JPH1: variants seen among roughly 807,000 people sequenced by gnomAD.
JPH1 encodes junctophilin 1.
A neutral mutation model predicts 53.6 loss-of-function variants in JPH1; 12 were observed. The ratio of observed to expected loss-of-function variants is 0.22; its 90% confidence interval spans 0.14 to 0.36. The LOEUF (loss-of-function observed/expected upper bound fraction) is 0.36, where lower values mean the gene tolerates loss of function less well. Ranked by LOEUF, JPH1 falls within the 10% of genes least tolerant of loss-of-function variation. JPH1 has a pLI of 1.00. For synonymous variants in JPH1, 375 were observed against 363.8 expected, an observed-to-expected ratio of 1.03 and a Z score of -0.35; for missense variants, 808 against 905.5, an observed-to-expected ratio of 0.89 and a Z score of 1.38.
chr8:74,311,588 C>CATAT (rs1335553276), intron 2 of JPH1, among the ~76,000 whole-genome samples: 3 of 151,824 alleles, frequency 2.0e-5, no homozygotes, highest in Non-Finnish European at 4.4e-5. Context: ...TAGTTACATA[C>CATAT]ATATACATGT....
At chr8:74,244,057 C>T (rs948398550) in intron 4 of JPH1, among the ~76,000 whole-genome samples, 3 of 152,182 alleles carry the variant, frequency 2.0e-5, no homozygotes, top group Non-Finnish European at 2.9e-5. Flanking sequence ...GAATTCACAA[C>T]GGCTAGAGGA....
chr8:74,316,231 C>A (rs772701450), intron 1 of JPH1, among the ~76,000 whole-genome samples: 1 of 152,006 alleles, frequency 6.6e-6, no homozygotes, highest in Non-Finnish European at 1.5e-5. Context: ...TTTGGGTGAA[C>A]CTTTTTGAGC....
At chr8:74,271,301 G>T (rs1191527269) in intron 2 of JPH1, among the ~76,000 whole-genome samples, 1 of 152,104 alleles carries the variant, frequency 6.6e-6, no homozygotes, top group Non-Finnish European at 1.5e-5. Flanking sequence ...TTAGTTTTGG[G>T]GTCCAGGGCC....
chr8:74,255,363 T>C (rs1362864249), intron 3 of JPH1, among the ~76,000 whole-genome samples: 3 of 151,934 alleles, frequency 2.0e-5, no homozygotes, highest in African/African-American at 4.9e-5. Flanking sequence ...TGAAACTGGA[T>C]CCCTTCCTTA....
At chr8:74,314,441 A>T (rs1199836672) in intron 2 of JPH1, among the ~76,000 whole-genome samples, 1 of 145,832 alleles carries the variant, frequency 6.9e-6, no homozygotes, top group Non-Finnish European at 1.5e-5. Context: ...CATCTATACT[A>T]AGTATGTTTC....
At chr8:74,237,651 G>A (rs1807040262) in intron 4 of JPH1, among the ~76,000 whole-genome samples, 1 of 152,232 alleles carries the variant, frequency 6.6e-6, no homozygotes, top group Non-Finnish European at 1.5e-5. Flanking sequence ...TGCATTTGTT[G>A]TTAGAATGCA....
At chr8:74,273,363 G>A (rs896699815) in intron 2 of JPH1, among the ~76,000 whole-genome samples, 3 of 151,952 alleles carry the variant, frequency 2.0e-5, no homozygotes, top group Admixed American at 6.6e-5. Context: ...TTTTCATTTG[G>A]GGCACATACT....
chr8:74,244,451 A>G, intron 4 of JPH1, 78 bp downstream of exon 4: 1 of 1,446,380 alleles, frequency 6.9e-7, no homozygotes, highest in Non-Finnish European at 9.3e-7. Context: ...TGTGATCAAG[A>G]TGCACAGTCA....
intron 4 of JPH1, among the ~76,000 whole-genome samples, chr8:74,239,085 A>C (rs1407606353): frequency 6.6e-6 from 1 of 152,254 alleles, no homozygotes; most frequent in Admixed American, 6.5e-5. Flanking sequence ...ACTATTAGGC[A>C]GAAGAAAAGC....
intron 2 of JPH1, among the ~76,000 whole-genome samples, chr8:74,264,293 T>C (rs1806473365): frequency 6.6e-6 from 1 of 152,242 alleles, no homozygotes; most frequent in East Asian, 1.9e-4. Flanking sequence ...TACTGAATGT[T>C]AATTTTCTCC....
chr8:74,318,304 A>G (rs1171332091), intron 1 of JPH1, among the ~76,000 whole-genome samples: 2 of 152,166 alleles, frequency 1.3e-5, no homozygotes, highest in Non-Finnish European at 2.9e-5. Flanking sequence ...TTAACTACAC[A>G]ATCTTGTAGT....
intron 2 of JPH1, among the ~76,000 whole-genome samples, chr8:74,264,649 C>T (rs1409272737): frequency 1.3e-5 from 2 of 152,100 alleles, no homozygotes; most frequent in Admixed American, 1.3e-4. Context: ...TATTAATAGC[C>T]ACAGAGTAGG....
At chr8:74,284,247 T>C (rs552474201) in intron 2 of JPH1, among the ~76,000 whole-genome samples, 20 of 152,368 alleles carry the variant, frequency 1.3e-4, no homozygotes, top group Non-Finnish European at 1.6e-4. Flanking sequence ...TTGAGACTTA[T>C]GTGTCATTCT....
intron 2 of JPH1, among the ~76,000 whole-genome samples, chr8:74,312,007 G>C (rs1341133403): frequency 1.3e-5 from 2 of 152,052 alleles, no homozygotes; most frequent in Non-Finnish European, 2.9e-5. Context: ...TAAAATCAGA[G>C]CTATTATAAG....
intron 2 of JPH1, among the ~76,000 whole-genome samples, chr8:74,284,881 G>A (rs59353864): frequency 0.091 from 13,558 of 149,656 alleles, 748 homozygotes; most frequent in East Asian, 0.19. Context: ...CTGGAATGCA[G>A]TGGCGCAATC....
chr8:74,296,019 G>GACACACACACACAC (rs59881666), intron 2 of JPH1, among the ~76,000 whole-genome samples: 5,474 of 136,528 alleles, frequency 0.04, 258 homozygotes, highest in East Asian at 0.1. Context: ...TCTCAGTAAG[G>GACACACACACACAC]ACACACACAC....
chr8:74,253,935 T>C (rs1267049921), intron 3 of JPH1, among the ~76,000 whole-genome samples: 2 of 152,014 alleles, frequency 1.3e-5, no homozygotes, highest in Non-Finnish European at 2.9e-5. Context: ...CAGGACCAGA[T>C]GGATTCACAG....
chr8:74,238,551 A>T (rs965455482), intron 4 of JPH1, among the ~76,000 whole-genome samples: 4 of 152,118 alleles, frequency 2.6e-5, no homozygotes, highest in African/African-American at 9.7e-5. Flanking sequence ...TGTCTTATTC[A>T]CTGCTATGTA....
chr8:74,250,360 T>C (rs993640317), intron 3 of JPH1, among the ~76,000 whole-genome samples: 2 of 152,220 alleles, frequency 1.3e-5, no homozygotes, highest in Middle Eastern at 3.2e-3. Flanking sequence ...CGTGAACTCC[T>C]GGCCTCACAT....
Sources: gnomAD v4.1 joint callset for allele counts (sites outside exome capture counted in the v4.1 genomes callset) on GRCh38, gnomAD v4.1.1 for gene constraint, MANE v1.5 for transcripts, NCBI Gene and HGNC (gene_info 2026-07-23, HGNC 2026-07-21) for gene names.